Variants in GSE1 observed in about 807,000 individuals in gnomAD.
The protein encoded by GSE1 is Gse1 coiled-coil protein.
In GSE1, 32 loss-of-function variants were observed where a neutral mutation model predicts 112.6. The observed-to-expected ratio is 0.28, with a 90% CI of 0.21 to 0.38. GSE1 has a LOEUF of 0.38. Among genes scored for constraint, GSE1 ranks in the 10% least tolerant of loss-of-function variants. The probability of loss-of-function intolerance (pLI) is 1.00; values close to 1 mark genes in which losing one functional copy is unlikely to be tolerated. For missense variants in GSE1, 2,348 were observed against 1,699.2 expected, an observed-to-expected ratio of 1.38 and a Z score of -6.71; for synonymous variants, 1,115 against 735.6, an observed-to-expected ratio of 1.52 and a Z score of -8.35.
chr16:85,558,234 T>C (rs944576468), intron 1 of GSE1, among the ~76,000 whole-genome samples: 18 of 152,214 alleles, frequency 1.2e-4, no homozygotes, highest in Non-Finnish European at 2.9e-5. Flanking sequence ...ATCCTCATGC[T>C]GTATCTGGGT....
chr16:85,187,722 C>T (rs1365583824), intron 1 of GSE1, among the ~76,000 whole-genome samples: 2 of 152,194 alleles, frequency 1.3e-5, no homozygotes, highest in Non-Finnish European at 2.9e-5. Context: ...GGGCCTTGGG[C>T]TCCTCACCCA....
At chr16:85,299,044 A>G (rs1223925251) in intron 1 of GSE1, among the ~76,000 whole-genome samples, 1 of 152,210 alleles carries the variant, frequency 6.6e-6, no homozygotes, top group African/African-American at 2.4e-5. Flanking sequence ...GCTTCCTGAC[A>G]TTCGTGACCC....
rs2053045140 is a variant in GSE1 at position 85,668,275 on chromosome 16, G to A, written c.3266G>A (p.Arg1089Lys). The part of the protein sequence containing the change: ...HNGQQEPPTA[R>K]KGPPTQELDR... ...GGGCAGCAGGAGCCCCCCACTGCAA[G>A]GAAGGGCCCCCCAACCCAGGAGTTG... Residue 1089 changes from arginine (R) to lysine (K), a missense_variant, in exon 14 of 16, where the codon AGG (arginine) becomes AAG (lysine). Arg to Lys is a conservative substitution (Grantham distance 26). Coordinates refer to ENST00000253458, the MANE Select transcript of GSE1 (RefSeq NM_014615.5). The A allele has an allele frequency of 1.9e-6, 3 of 1,613,278 alleles. No individual in the cohort carries two copies. The highest frequency in any genetic ancestry group is 1.1e-5 in the South Asian group (1 of 91,058).
At chr16:85,378,633 C>T (rs182483333) in intron 2 of GSE1, among the ~76,000 whole-genome samples, 67 of 152,326 alleles carry the variant, frequency 4.4e-4, no homozygotes, top group Middle Eastern at 6.8e-3. Context: ...CCATGGCTCT[C>T]ATGAGGCAGG....
At chr16:85,225,097 C>G (rs1446722116) in intron 1 of GSE1, among the ~76,000 whole-genome samples, 2 of 152,028 alleles carry the variant, frequency 1.3e-5, no homozygotes, top group Non-Finnish European at 2.9e-5. Context: ...CGCCTCCAGC[C>G]TGGGTGACAG....
At chr16:85,585,902 T>A (rs557939456) in intron 1 of GSE1, among the ~76,000 whole-genome samples, 1 of 152,222 alleles carries the variant, frequency 6.6e-6, no homozygotes, top group East Asian at 1.9e-4. Flanking sequence ...CCTCTGACAA[T>A]TGTTAGCTGT....
At chr16:85,383,039 C>A (rs978478338) in intron 2 of GSE1, among the ~76,000 whole-genome samples, 3 of 151,204 alleles carry the variant, frequency 2.0e-5, no homozygotes, top group African/African-American at 7.4e-5. Flanking sequence ...TGCACACACA[C>A]ACCGTGTACA....
Position 85,500,996 on chromosome 16 carries a change from C to CTGT in GSE1, c.2465-132916_2465-132914dup, listed in dbSNP as rs2051340956. Among the ~76,000 whole-genome samples the CTGT allele has an allele frequency of 4.4e-5, 4 of 90,358 alleles. 1 individual carries two copies. Among genetic ancestry groups the CTGT allele is most frequent in the African/African-American group, 1.8e-4 (4 of 21,654 alleles). 59.3% of individuals were successfully genotyped at this position (90,358 alleles called of 152,430 possible). On this transcript the variant is annotated intron_variant, in intron 2 of 2. Coordinates refer to the GSE1 transcript ENST00000637419. ...CCACCCTACTCCAGTATGGCCTGTT[C>CTGT]TGTTTTTTTTTTTTTTTTTTTTTTT... is the stretch of plus-strand genomic sequence containing the variant.
intron 2 of GSE1, among the ~76,000 whole-genome samples, chr16:85,502,737 G>A (rs1022933094): frequency 6.6e-5 from 10 of 152,236 alleles, no homozygotes; most frequent in African/African-American, 2.4e-4. Context: ...GAGCTGGGCA[G>A]GGCCATCTTG....
At chr16:85,222,996 A>T (rs2075419867) in intron 1 of GSE1, among the ~76,000 whole-genome samples, 2 of 152,220 alleles carry the variant, frequency 1.3e-5, no homozygotes, top group Non-Finnish European at 2.9e-5. Flanking sequence ...CATTTTGCAG[A>T]TAGTCTTACC....
At chr16:85,370,556 A>G (rs931294026) in intron 2 of GSE1, among the ~76,000 whole-genome samples, 1 of 152,182 alleles carries the variant, frequency 6.6e-6, no homozygotes, top group Non-Finnish European at 1.5e-5. Context: ...CTGAAAGTGG[A>G]TACAGCAATG....
intron 1 of GSE1, among the ~76,000 whole-genome samples, chr16:85,591,595 G>C (rs762867230): frequency 1.4e-4 from 22 of 152,218 alleles, no homozygotes; most frequent in Non-Finnish European, 2.8e-4. Flanking sequence ...GGCAAGACCA[G>C]CCTCCCCTCT....
intron 1 of GSE1, among the ~76,000 whole-genome samples, chr16:85,234,199 C>G (rs1478469966): frequency 6.6e-6 from 1 of 152,146 alleles, no homozygotes; most frequent in East Asian, 1.9e-4. Context: ...CTATATTTGC[C>G]CCTTAGATAC....
At chr16:85,608,257 G>A (rs2047799593), upstream of GSE1, among the ~76,000 whole-genome samples, 1 of 152,146 alleles carries the variant, frequency 6.6e-6, no homozygotes. Flanking sequence ...AGGGCAGATG[G>A]GGTAGCTGGG....
intron 2 of GSE1, among the ~76,000 whole-genome samples, chr16:85,453,439 G>A (rs1245419813): frequency 2.6e-5 from 4 of 152,202 alleles, no homozygotes; most frequent in Non-Finnish European, 5.9e-5. Flanking sequence ...AGGCAGCAGG[G>A]AGGGTTGGGG....
chr16:85,307,309 G>A (rs1344611880), intron 1 of GSE1, among the ~76,000 whole-genome samples: 1 of 152,140 alleles, frequency 6.6e-6, no homozygotes, highest in African/African-American at 2.4e-5. Flanking sequence ...GTTCTCTCTG[G>A]TTTAACCACC....
At chr16:85,532,122 T>G (rs1049790907) in intron 2 of GSE1, among the ~76,000 whole-genome samples, 3 of 152,200 alleles carry the variant, frequency 2.0e-5, no homozygotes, top group African/African-American at 7.2e-5. Flanking sequence ...GTTTGTGTAT[T>G]GGTTCTGTAT....
intron 1 of GSE1, among the ~76,000 whole-genome samples, chr16:85,230,309 T>G (rs1184767956): frequency 6.6e-6 from 1 of 152,232 alleles, no homozygotes; most frequent in Non-Finnish European, 1.5e-5. Context: ...TTATCTTTTG[T>G]GTGTCCTCTG....
chr16:85,334,118 C>A (rs78619313), intron 1 of GSE1, among the ~76,000 whole-genome samples: 11,083 of 152,312 alleles, frequency 0.073, 428 homozygotes, highest in Admixed American at 0.094. Context: ...ACTGACCAAG[C>A]TGTCTTCTGA....
Sources: allele counts gnomAD v4.1 joint callset (sites outside exome capture counted in the v4.1 genomes callset), GRCh38; gene constraint gnomAD v4.1.1; transcripts MANE v1.5; gene names NCBI Gene and HGNC (gene_info 2026-07-23, HGNC 2026-07-21).